The following ZNF577 variants were observed in gnomAD, a reference collection of about 807,000 sequenced individuals.
ZNF577 encodes the protein zinc finger protein 577.
Under a neutral mutation model 13.9 loss-of-function variants are expected in ZNF577, and 14 were observed. The observed-to-expected ratio is 1.00, with a 90% confidence interval of 0.66 to 1.57. ZNF577 has a LOEUF of 1.57. Ranked by LOEUF, ZNF577 falls within the 40% of genes most tolerant of loss-of-function variation. The pLI is 0.00. For missense variants in ZNF577, 555 were observed against 579.2 expected, an observed-to-expected ratio of 0.96 and a Z score of 0.43; for synonymous variants, 203 against 202.9, an observed-to-expected ratio of 1.00 and a Z score of 0.00.
chr19:51,818,812 G>A (rs1335621733), intron 9 of ZNF577, among the ~76,000 whole-genome samples: 1 of 152,172 alleles, frequency 6.6e-6, no homozygotes, highest in African/African-American at 2.4e-5. Context: ...ATCTCAGGGT[G>A]CTTGAGAAGT....
chr19:51,878,243 G>A (rs898577984), intron 4 of ZNF577, 146 bp downstream of exon 4: 35 of 871,200 alleles, frequency 4.0e-5, no homozygotes, highest in Non-Finnish European at 4.8e-5. Context: ...TGGTTAAGAC[G>A]GTAAATTTTA....
intron 4 of ZNF577, 31 bp from the exon 5 acceptor site, chr19:51,877,408 A>C (rs764445353): frequency 3.8e-6 from 6 of 1,578,542 alleles, no homozygotes; most frequent in Non-Finnish European, 4.4e-6. Flanking sequence ...AACACTTGGC[A>C]CGTGTGCTTG....
chr19:51,866,292 G>A (rs372551741), downstream of ZNF577, among the ~76,000 whole-genome samples: 94 of 151,880 alleles, frequency 6.2e-4, 3 homozygotes, highest in South Asian at 7.3e-3. Flanking sequence ...TATGACAGAG[G>A]CTGCAGTGAG....
At chr19:51,851,741 C>G (rs10408653) in intron 5 of ZNF577, among the ~76,000 whole-genome samples, 2,988 of 152,254 alleles carry the variant, frequency 0.02, 122 homozygotes, top group African/African-American at 0.068. Flanking sequence ...CTCTCAAAGA[C>G]CATTCCCTGA....
At chr19:51,852,444 G>A (rs545143815) in intron 5 of ZNF577, among the ~76,000 whole-genome samples, 7 of 152,336 alleles carry the variant, frequency 4.6e-5, no homozygotes, top group Admixed American at 2.0e-4. Flanking sequence ...TCCAGACAGC[G>A]AAAACCAATC....
At chr19:51,844,128 G>A (rs888063473) in intron 6 of ZNF577, among the ~76,000 whole-genome samples, 46 of 146,376 alleles carry the variant, frequency 3.1e-4, no homozygotes, top group African/African-American at 1.1e-3. Flanking sequence ...CAAATTAAAT[G>A]ATGATACTCA....
At chr19:51,810,376 T>C (rs2084088043) in intron 10 of ZNF577, among the ~76,000 whole-genome samples, 1 of 152,224 alleles carries the variant, frequency 6.6e-6, no homozygotes, top group Admixed American at 6.5e-5. Context: ...GACGCTTCAC[T>C]GCCTCTTGTG....
rs2084799992 is a variant in ZNF577, at chr19:51,878,325, A to C, written c.187+64T>G. On this transcript the variant is annotated intron_variant, in intron 4 of 5. Transcript: ENST00000638348. ...CTTTAGTCTAAACCATTAAATATTT[A>C]TGGGACCGTACAGTGGTCACCAAAT... The C allele has an allele frequency of 4.6e-6, 7 of 1,517,224 alleles. No homozygotes were observed. The South Asian group carries it at 8.8e-5, about 19-fold the overall frequency. The allele number at this position is 1,517,224 out of a possible 1,614,324, so 94.0% of individuals were successfully genotyped here.
chr19:51,831,207 C>G (rs75691788), intron 9 of ZNF577, among the ~76,000 whole-genome samples: 14,971 of 152,086 alleles, frequency 0.098, 916 homozygotes, highest in South Asian at 0.32. Flanking sequence ...CCTCTGCCTC[C>G]AAGGTTCAAG....
In ZNF577 at chr19:51,872,637, T is replaced by C; in HGVS notation, c.1353A>G (p.Val451=). Reference sequence around the variant, plus strand: ...TTCTCTGTTCAAATTCCTGATTAACTACAAAGGCTTGATTTCTTGGAAAAG... The same window carrying C: ...TTCTCTGTTCAAATTCCTGATTAACCACAAAGGCTTGATTTCTTGGAAAAG... ...EQPFPRNQAF[V]VNQEFEQRIS... The change falls in exon 6 of 6, where the codon GTA becomes GTG. Residue 451 remains valine, a synonymous_variant. Transcript: ENST00000638348. 6.2e-7 allele frequency: 1 copy of C among 1,614,168 alleles called. No homozygotes were observed.
chr19:51,868,888 C>A lies in ZNF577; in HGVS notation c.*3644G>T, dbSNP rs547042953. On this transcript the variant is annotated 3_prime_UTR_variant, in exon 6 of 6. Coordinates refer to ENST00000638348, the MANE Select transcript of ZNF577 (RefSeq NM_001370449.1). Reference sequence around the variant, plus strand: ...ATGTGCTGTGTTGACTCAAGGTTTACTAGATTTAGGGCTGTGCAGGATGTG... The same window carrying A: ...ATGTGCTGTGTTGACTCAAGGTTTAATAGATTTAGGGCTGTGCAGGATGTG... Among the ~76,000 whole-genome samples the A allele has an allele frequency of 6.6e-6, 1 of 152,320 alleles. No individual in the cohort carries two copies. Among genetic ancestry groups the A allele is most frequent in the South Asian group, 2.1e-4 (1 of 4,826 alleles).
At chr19:51,822,221 G>A (rs1476424248) in intron 9 of ZNF577, among the ~76,000 whole-genome samples, 1 of 152,176 alleles carries the variant, frequency 6.6e-6, no homozygotes, top group Non-Finnish European at 1.5e-5. Context: ...CCAGAAAGAT[G>A]CCAGGATATC....
intron 5 of ZNF577, chr19:51,856,112 G>A (rs2084416523): frequency 6.6e-6 from 1 of 152,184 alleles, no homozygotes; most frequent in South Asian, 2.1e-4. Context: ...TGACTGTGAT[G>A]ATGTTTATGT....
At chr19:51,828,023 T>C (rs2084240751) in intron 9 of ZNF577, among the ~76,000 whole-genome samples, 2 of 152,118 alleles carry the variant, frequency 1.3e-5, no homozygotes, top group South Asian at 4.1e-4. Flanking sequence ...TGCTTTAGAG[T>C]TCCCAGGAGG....
Position 51,824,514 on chromosome 19 carries a change from C to T in ZNF577, c.*600-12840G>A, listed in dbSNP as rs2084217079. 6.2e-7 allele frequency: 1 copy of T among 1,613,974 alleles called. No individual in the cohort carries two copies. The highest frequency in any genetic ancestry group is 8.5e-7 in the Non-Finnish European group (1 of 1,179,964). On this transcript the variant is annotated intron_variant and NMD_transcript_variant, in intron 9 of 10. Coordinates refer to the ZNF577 transcript ENST00000638827. This position sits in a 1 kb window ranked among gnomAD's most constrained non-coding sequence, Gnocchi z 4.7. The stretch of plus-strand genomic sequence containing the variant: ...GGCTTCTTTCTTCATCTGTTGGTTC[C>T]CTTATGAACTAATTGGCATTCTAAT...
intron 5 of ZNF577, among the ~76,000 whole-genome samples, chr19:51,856,954 T>C (rs2084428587): frequency 6.6e-6 from 1 of 152,120 alleles, no homozygotes; most frequent in Non-Finnish European, 1.5e-5. Context: ...AGGGTGTGAA[T>C]GCGCCTCACT....
chr19:51,808,166 A>G (rs193070916), intron 10 of ZNF577, among the ~76,000 whole-genome samples: 41 of 152,320 alleles, frequency 2.7e-4, no homozygotes, highest in Middle Eastern at 3.4e-3. Flanking sequence ...GGGTTTGGTA[A>G]ATATGTGTAA....
intron 8 of ZNF577, among the ~76,000 whole-genome samples, chr19:51,841,521 C>G (rs2084320633): frequency 6.6e-6 from 1 of 152,064 alleles, no homozygotes; most frequent in African/African-American, 2.4e-5. Flanking sequence ...TTCCGTTTTT[C>G]TAGTTTTTCT....
intron 5 of ZNF577, among the ~76,000 whole-genome samples, chr19:51,854,573 A>G (rs922465239): frequency 6.7e-6 from 1 of 150,210 alleles, no homozygotes; most frequent in Admixed American, 6.6e-5. Flanking sequence ...GACTCAAGCA[A>G]TCCTCCAATC....
Sources: gnomAD v4.1 joint callset for allele counts (sites outside exome capture counted in the v4.1 genomes callset) on GRCh38, gnomAD v4.1.1 for gene constraint, Gnocchi (gnomAD v3.1) non-coding constraint, MANE v1.5 for transcripts, NCBI Gene and HGNC (gene_info 2026-07-23, HGNC 2026-07-21) for gene names.